Variants in VPS13D observed in about 807,000 individuals in gnomAD.
VPS13D encodes the protein intermembrane lipid transfer protein VPS13D.
Under a neutral mutation model 461.9 loss-of-function variants are expected in VPS13D, and 187 were observed. The ratio of observed to expected loss-of-function variants is 0.40; its 90% CI spans 0.36 to 0.46. The LOEUF (loss-of-function observed/expected upper bound fraction) is 0.46, where lower values mean the gene tolerates loss of function less well. Among genes scored for constraint, VPS13D ranks in the 20% least tolerant of loss-of-function variants. The pLI, the probability that VPS13D is intolerant of heterozygous loss-of-function variation, is 0.60. For missense variants in VPS13D, 4,711 were observed against 5,364.9 expected (o/e 0.88, Z 3.81); for synonymous variants, 1,951 against 1,986.3 (o/e 0.98, Z 0.47).
rs547139007 is a variant in VPS13D at position 12,354,301 on chromosome 1, G to A, written c.9679+80G>A. ...TATTTTGTGATTATTTATTTGGTAA[G>A]CATCTTGGAGAAATTGGGGCACATA... is the stretch of plus-strand genomic sequence containing the variant. On this transcript the variant is annotated intron_variant, in intron 47 of 69. Transcript: ENST00000620676. 18 of 1,523,090 alleles carry A rather than the reference G, an allele frequency of 1.2e-5. No individual in the cohort carries two copies. The East Asian group carries it at 4.2e-4, about 35-fold the overall frequency. 94.3% of individuals were successfully genotyped at this position (1,523,090 alleles called of 1,614,324 possible). A position where few individuals can be genotyped will look rare whatever the true frequency, so the allele number is the denominator to read the frequency against.
At chr1:12,440,742 G>T (rs1411671713) in intron 65 of VPS13D, among the ~76,000 whole-genome samples, 1 of 152,068 alleles carries the variant, frequency 6.6e-6, no homozygotes, top group Non-Finnish European at 1.5e-5. Context: ...TGGACGTGGT[G>T]GTGGACACCT....
chr1:12,325,951 A>G (rs1336041871), intron 35 of VPS13D, among the ~76,000 whole-genome samples: 1 of 132,806 alleles, frequency 7.5e-6, no homozygotes, highest in Non-Finnish European at 1.6e-5. Context: ...GTATAGATAT[A>G]TTTTTCAGGC....
intron 24 of VPS13D, among the ~76,000 whole-genome samples, chr1:12,294,271 A>G (rs1273603771): frequency 6.6e-6 from 1 of 152,256 alleles, no homozygotes; most frequent in Non-Finnish European, 1.5e-5. Context: ...GGTAGGAGGT[A>G]TGTGCCTGTT....
At position 12,357,195 on chromosome 1, in the gene VPS13D, A is replaced by G. The variant is rs111530480; in HGVS notation, c.9998+671A>G. Among the ~76,000 whole-genome samples, 122 of 152,256 alleles carry G rather than the reference A, an allele frequency of 8.0e-4. 2 individuals are homozygous for G. The highest frequency in any genetic ancestry group is 2.0e-4 in the Admixed American group (3 of 15,288). The stretch of plus-strand genomic sequence containing the variant: ...GTGTATCCAATAATGCTAAAATGCC[A>G]TACCGTGTTATCGGTAGAATCGTGC... On this transcript the variant is annotated intron_variant, in intron 49 of 69. Transcript: ENST00000620676.
At chr1:12,478,200 G>C (rs1645659638) in intron 67 of VPS13D, among the ~76,000 whole-genome samples, 1 of 152,248 alleles carries the variant, frequency 6.6e-6, no homozygotes, top group Non-Finnish European at 1.5e-5. Flanking sequence ...GTCAGTGCCT[G>C]AACTAACAAC....
At chr1:12,409,457 A>G (rs775894885) in intron 63 of VPS13D, among the ~76,000 whole-genome samples, 1 of 152,208 alleles carries the variant, frequency 6.6e-6, no homozygotes, top group Non-Finnish European at 1.5e-5. Flanking sequence ...AAATTTTAAT[A>G]TATAATAAAG....
Position 12,510,567 on chromosome 1 carries a change from G to T in VPS13D, c.*1543G>T. 6.8e-6 allele frequency: 1 copy of T among 146,822 alleles called. No homozygotes were observed. Among genetic ancestry groups the T allele is most frequent in the Non-Finnish European group, 1.5e-5 (1 of 67,850 alleles). 9.1% of individuals were successfully genotyped at this position (146,822 alleles called of 1,614,324 possible). ...TGTGTGTGTGTGTGCGCGCGCGCGC[G>T]TGCATGCAGAGAGGAAGGAAGGGAG... On this transcript the variant is annotated 3_prime_UTR_variant, in exon 70 of 70. Transcript: ENST00000620676.
At position 12,460,184 on chromosome 1, in the gene VPS13D, C is replaced by T. The variant is rs1401578016; in HGVS notation, c.12467-17C>T. ...TTGTCCTCGTCAGGTTACAACAGCC[C>T]TTGTCTTTTTCACTAGGTATCATTG... On this transcript the variant is annotated splice_polypyrimidine_tract_variant and intron_variant, in intron 66 of 69. Coordinates refer to ENST00000620676, the MANE Select transcript of VPS13D (RefSeq NM_015378.4). The T allele has an allele frequency of 1.3e-6, 2 of 1,556,442 alleles. No homozygotes were observed. The highest frequency in any genetic ancestry group is 2.4e-5 in the South Asian group (2 of 82,670).
intron 18 of VPS13D, among the ~76,000 whole-genome samples, chr1:12,274,941 A>G (rs12121821): frequency 0.37 from 56,160 of 150,900 alleles, 11,331 homozygotes; most frequent in Non-Finnish European, 0.46. Context: ...AAAATTGGCC[A>G]GGTGCGGTGG....
chr1:12,236,583 A>C (rs1170243500), intron 2 of VPS13D, among the ~76,000 whole-genome samples: 1 of 151,936 alleles, frequency 6.6e-6, no homozygotes, highest in South Asian at 2.1e-4. Flanking sequence ...GGGTTTTGCC[A>C]TGTTGCTCAG....
At chr1:12,314,027 A>T in intron 29 of VPS13D, 88 bp from the exon 30 acceptor site, 1 of 1,184,604 alleles carries the variant, frequency 8.4e-7, no homozygotes, top group South Asian at 1.4e-5. Flanking sequence ...TATATTTTTG[A>T]TTTTGCTCGT....
chr1:12,450,685 G>C (rs1035754419), intron 65 of VPS13D, among the ~76,000 whole-genome samples: 10 of 152,200 alleles, frequency 6.6e-5, no homozygotes, highest in Non-Finnish European at 1.2e-4. Context: ...TCGCCCAGCT[G>C]TCAGCTAATG....
chr1:12,445,029 G>T (rs1289470650), intron 65 of VPS13D, among the ~76,000 whole-genome samples: 1 of 152,180 alleles, frequency 6.6e-6, no homozygotes, highest in East Asian at 1.9e-4. Flanking sequence ...TTTTTGAAAG[G>T]ATCAAAGCCT....
At position 12,257,146 on chromosome 1, in the gene VPS13D, A is replaced by C. The variant is rs528305660; in HGVS notation, c.941+59A>C. On this transcript the variant is annotated intron_variant, in intron 9 of 69. Coordinates refer to ENST00000620676, the MANE Select transcript of VPS13D (RefSeq NM_015378.4). Reference sequence around the variant, plus strand: ...GTTAGAGCCTGTTCTTGCTATGTACATAGATCAGAAATATGCCTCACTGTC... The same window carrying C: ...GTTAGAGCCTGTTCTTGCTATGTACCTAGATCAGAAATATGCCTCACTGTC... 9.3e-5 allele frequency: 136 copies of C among 1,466,624 alleles called. No individual in the cohort carries two copies. In the African/African-American group the frequency reaches 1.7e-3, roughly 19 times the overall value. 90.9% of individuals were successfully genotyped at this position (1,466,624 alleles called of 1,614,324 possible).
chr1:12,293,749 TCA>T (rs1334617660), intron 24 of VPS13D, 45 bp downstream of exon 24: 6 of 1,581,524 alleles, frequency 3.8e-6, no homozygotes, highest in Non-Finnish European at 5.1e-6. Context: ...GTTTGACTGA[TCA>T]GTAGAACTTT....
intron 20 of VPS13D, among the ~76,000 whole-genome samples, chr1:12,281,357 C>G (rs1157191506): frequency 6.8e-6 from 1 of 146,880 alleles, no homozygotes; most frequent in Non-Finnish European, 1.5e-5. Flanking sequence ...GGTCTCTGTT[C>G]ATCTAGTTTC....
intron 50 of VPS13D, among the ~76,000 whole-genome samples, chr1:12,361,181 A>T (rs1643941335): frequency 6.6e-6 from 1 of 152,018 alleles, no homozygotes; most frequent in Admixed American, 6.6e-5. Context: ...TTGGGGGAGG[A>T]CCTAGCATGT....
chr1:12,371,557 A>AT (rs1299994177), intron 54 of VPS13D, among the ~76,000 whole-genome samples: 5 of 151,442 alleles, frequency 3.3e-5, no homozygotes, highest in Admixed American at 1.3e-4. Flanking sequence ...CGCCTGGCTG[A>AT]TTTTTTTGTA....
intron 56 of VPS13D, 46 bp from the exon 57 acceptor site, chr1:12,379,442 A>C (rs1306021011): frequency 2.6e-6 from 4 of 1,559,012 alleles, no homozygotes; most frequent in Non-Finnish European, 3.5e-6. Context: ...GGCGTGAAAC[A>C]GTTGACTCGG....
Sources: gnomAD v4.1 joint callset for allele counts (sites outside exome capture counted in the v4.1 genomes callset) on GRCh38, gnomAD v4.1.1 for gene constraint, MANE v1.5 for transcripts, NCBI Gene and HGNC (gene_info 2026-07-23, HGNC 2026-07-21) for gene names.